The following SVIL variants were observed in gnomAD, a reference collection of about 807,000 sequenced individuals.
SVIL encodes the protein supervillin, also known as archvillin.
In SVIL, 101 loss-of-function variants were observed where a neutral mutation model predicts 240.4. That is an observed-to-expected ratio of 0.42 (90% CI 0.36 to 0.50). The LOEUF (loss-of-function observed/expected upper bound fraction) is 0.50. SVIL is among the 20% of genes least tolerant of loss of function. SVIL has a pLI of 0.01. For synonymous variants in SVIL, 999 were observed against 1,100.0 expected, an observed-to-expected ratio of 0.91 and a Z score of 1.82; for missense variants, 2,512 against 2,818.7, an observed-to-expected ratio of 0.89 and a Z score of 2.46.
chr10:29,498,189 G>A (rs576121489), intron 18 of SVIL, among the ~76,000 whole-genome samples: 11 of 151,688 alleles, frequency 7.3e-5, no homozygotes, highest in African/African-American at 2.2e-4. Flanking sequence ...AGGTCGAAGC[G>A]GGTGGATCAC....
At chr10:29,507,771 G>A (rs550872426) in intron 17 of SVIL, 4 of 985,272 alleles carry the variant, frequency 4.1e-6, no homozygotes, top group Non-Finnish European at 3.6e-6. Context: ...GTATTTATGG[G>A]CAGCAGGAAT....
chr10:29,664,213 A>T (rs534927624), intron 2 of SVIL, among the ~76,000 whole-genome samples: 1 of 152,350 alleles, frequency 6.6e-6, no homozygotes, highest in South Asian at 2.1e-4. Context: ...TAATGGGCAG[A>T]ATTCTCAACT....
chr10:29,462,133 TC>T, intron 36 of SVIL, 143 bp downstream of exon 36: 1 of 1,095,168 alleles, frequency 9.1e-7, no homozygotes, highest in South Asian at 1.8e-5. Flanking sequence ...CTAAGCAAAT[TC>T]TATGTAGGTT....
intron 16 of SVIL, among the ~76,000 whole-genome samples, chr10:29,520,515 A>G (rs1033016443): frequency 1.3e-5 from 2 of 152,230 alleles, no homozygotes; most frequent in African/African-American, 4.8e-5. Flanking sequence ...AAGTAAGTAA[A>G]GGAGAAAGTA....
chr10:29,652,130 G>A (rs1253120387), intron 3 of SVIL, among the ~76,000 whole-genome samples: 2 of 152,058 alleles, frequency 1.3e-5, no homozygotes. Context: ...GGAATTGTAC[G>A]ACCATTAGAA....
chr10:29,551,302 A>T (rs772934722), intron 5 of SVIL, 39 bp from the exon 6 acceptor site: 3 of 1,526,802 alleles, frequency 2.0e-6, no homozygotes, highest in Non-Finnish European at 2.6e-6. Context: ...GCAGATTTCA[A>T]GTAAAGACAT....
intron 1 of SVIL, among the ~76,000 whole-genome samples, chr10:29,593,116 G>A (rs1956452703): frequency 6.6e-6 from 1 of 152,012 alleles, no homozygotes. Flanking sequence ...TTTTTTGATA[G>A]CAGCCACATT....
At chr10:29,477,492 G>A (rs1033434322) in intron 29 of SVIL, among the ~76,000 whole-genome samples, 23 of 152,170 alleles carry the variant, frequency 1.5e-4, no homozygotes, top group Admixed American at 1.4e-3. Context: ...TTGGCCAAGC[G>A]GAGGCTGTAC....
intron 6 of SVIL, 113 bp from the exon 7 acceptor site, chr10:29,536,182 CT>C: frequency 1.0e-6 from 1 of 997,978 alleles, no homozygotes; most frequent in Non-Finnish European, 1.5e-6. Context: ...ATAATCCTCA[CT>C]TATAAGTGGG....
chr10:29,581,824 G>A (rs1335652225), intron 1 of SVIL, among the ~76,000 whole-genome samples: 1 of 152,160 alleles, frequency 6.6e-6, no homozygotes, highest in African/African-American at 2.4e-5. Context: ...AAAGACATAG[G>A]TCAGTTCTGT....
chr10:29,655,119 G>C (rs1181727897), intron 3 of SVIL, among the ~76,000 whole-genome samples: 1 of 152,062 alleles, frequency 6.6e-6, no homozygotes, highest in African/African-American at 2.4e-5. Context: ...TCTCCAGAGG[G>C]GCAGAACCAA....
At position 29,532,599 on chromosome 10, in the gene SVIL, T is replaced by G; in HGVS notation, c.1768A>C (p.Thr590Pro). Residue 590 changes from threonine (T) to proline (P), a missense_variant, in exon 8 of 38, where the codon ACA becomes CCA. Coordinates refer to ENST00000355867, the MANE Select transcript of SVIL (RefSeq NM_021738.3). The stretch of plus-strand genomic sequence containing the variant: ...CGGAGCTGGGCGACAGAGACTTTTG[T>G]GTCCAGCATGCTGATCTCCCCATAA... ...GPYGEISMLD[T>P]KVSVAQLRSA... 1 of 1,614,050 alleles carries G rather than the reference T, an allele frequency of 6.2e-7. No individual in the cohort carries two copies. The highest frequency in any genetic ancestry group is 1.1e-5 in the South Asian group (1 of 91,084).
Position 29,458,607 on chromosome 10 carries a change from G to T in SVIL, c.6403-18C>A, listed in dbSNP as rs1278868930. ...TCCGTGTCCTAGAGAAGAGGAGGGG[G>T]CAGAGAGGAGAGCTCGTGTCCTACA... is the stretch of plus-strand genomic sequence containing the variant. On this transcript the variant is annotated intron_variant, in intron 36 of 37. Coordinates refer to ENST00000355867, the MANE Select transcript of SVIL (RefSeq NM_021738.3). 2 of 1,609,602 alleles carry T rather than the reference G, an allele frequency of 1.2e-6. No individual in the cohort carries two copies. The highest frequency in any genetic ancestry group is 2.2e-5 in the South Asian group (2 of 90,310).
At chr10:29,736,016 G>C (rs866461247), upstream of SVIL, among the ~76,000 whole-genome samples, 21 of 152,268 alleles carry the variant, frequency 1.4e-4, no homozygotes, top group Non-Finnish European at 2.2e-4. Context: ...GGCAAGGATC[G>C]GGCGGAGAGG....
At chr10:29,569,521 C>T (rs927001113) in intron 1 of SVIL, among the ~76,000 whole-genome samples, 3 of 152,018 alleles carry the variant, frequency 2.0e-5, no homozygotes, top group Admixed American at 6.5e-5. Flanking sequence ...TTTTCTCTTC[C>T]GGAAAGTAGC....
rs1953412849 is a variant in SVIL at position 29,552,128 on chromosome 10, AC to A, written c.161-866del. Among the ~76,000 whole-genome samples, 4 of 66,480 alleles carry A rather than the reference AC, an allele frequency of 6.0e-5. No homozygotes were observed. In the East Asian group the frequency reaches 1.9e-3, roughly 31 times the overall value. The allele number at this position is 66,480 out of a possible 152,430, so 43.6% of individuals were successfully genotyped here. On this transcript the variant is annotated intron_variant, in intron 5 of 37. Coordinates refer to ENST00000355867, the MANE Select transcript of SVIL (RefSeq NM_021738.3). ...GCAAGACCTTGTCTCAAAAAACAAAACAAAAAAAAAAACCTATCAATCATCA... is the reference window on the plus strand; with the variant it reads ...GCAAGACCTTGTCTCAAAAAACAAAAAAAAAAAAAAACCTATCAATCATCA...
At chr10:29,516,153 T>G (rs1430779458) in intron 16 of SVIL, among the ~76,000 whole-genome samples, 1 of 152,162 alleles carries the variant, frequency 6.6e-6, no homozygotes, top group Non-Finnish European at 1.5e-5. Context: ...GATTCTGGCT[T>G]TCTTATAAGG....
chr10:29,475,433 G>A (rs45506291), intron 29 of SVIL: 26,976 of 152,232 alleles, frequency 0.18, 3,010 homozygotes, highest in Non-Finnish European at 0.25. Flanking sequence ...GGGACTTCAG[G>A]ATTCTGGGCT....
chr10:29,675,730 C>T (rs189651604), intron 2 of SVIL, among the ~76,000 whole-genome samples: 23 of 152,298 alleles, frequency 1.5e-4, no homozygotes, highest in Middle Eastern at 3.4e-3. Context: ...CATACCGTTT[C>T]CTCCAGTCTT....
Sources: allele counts gnomAD v4.1 joint callset (sites outside exome capture counted in the v4.1 genomes callset), GRCh38; gene constraint gnomAD v4.1.1; transcripts MANE v1.5; gene names NCBI Gene and HGNC (gene_info 2026-07-23, HGNC 2026-07-21).